Variants in OTUD4 observed in about 807,000 individuals in gnomAD.
The protein encoded by OTUD4 is OTU domain-containing protein 4.
OTUD4 carries 24 observed loss-of-function variants against 130.4 expected under a neutral mutation model. That is an observed-to-expected ratio of 0.18 (90% CI 0.13 to 0.26). The LOEUF (loss-of-function observed/expected upper bound fraction) is 0.26, where lower values mean the gene tolerates loss of function less well. OTUD4 is among the 10% of genes least tolerant of loss of function. The pLI is 1.00. For synonymous variants in OTUD4, 420 were observed against 472.5 expected, an observed-to-expected ratio of 0.89 and a Z score of 1.44; for missense variants, 1,031 against 1,329.4, an observed-to-expected ratio of 0.78 and a Z score of 3.49.
At chr4:145,163,647 C>T (rs928639573) in intron 5 of OTUD4, among the ~76,000 whole-genome samples, 3 of 148,890 alleles carry the variant, frequency 2.0e-5, no homozygotes, top group Admixed American at 1.3e-4. Context: ...AATACAGTAA[C>T]TTGTGGGAGC....
In OTUD4 at chr4:145,143,974, T is replaced by C; in HGVS notation, c.1574A>G (p.Asp525Gly). 2 of 1,613,074 alleles carry C rather than the reference T, an allele frequency of 1.2e-6. No individual in the cohort carries two copies. Among genetic ancestry groups the C allele is most frequent in the Non-Finnish European group, 8.5e-7 (1 of 1,179,164 alleles). Reference sequence around the variant, plus strand: ...CAATGTGCTTGGTTCGGGTCTTTTATCCAACTGACTATGTCCATGAATAGA... The same window carrying C: ...CAATGTGCTTGGTTCGGGTCTTTTACCCAACTGACTATGTCCATGAATAGA... ...KDSIHGHSQL[D>G]KRPEPSTLEN... is the part of the protein sequence containing the mutation. Residue 525 changes from aspartate to glycine, a missense_variant, in exon 16 of 21, where the codon GAT becomes GGT. Asp to Gly is a moderately conservative substitution (Grantham distance 94). This residue lies in a region of OTUD4 where 900 missense variants were observed against 1,095.9 expected (regional missense o/e 0.82). Coordinates refer to ENST00000447906, the MANE Select transcript of OTUD4 (RefSeq NM_001366057.1).
chr4:145,174,230 C>T lies in OTUD4; in HGVS notation c.243+431G>A, dbSNP rs114135792. On this transcript the variant is annotated intron_variant, in intron 2 of 20. Coordinates refer to ENST00000447906, the MANE Select transcript of OTUD4 (RefSeq NM_001366057.1). ...AGCTGGTCTTGAACTCTTCACCTCC[C>T]AAAGTACTGGGATTACAGGTGTGAG... 2.5e-3 allele frequency among the ~76,000 whole-genome samples: 379 copies of T among 152,248 alleles called. 1 individual carries two copies. The highest frequency in any genetic ancestry group is 8.5e-3 in the African/African-American group (351 of 41,538).
intron 11 of OTUD4, 79 bp from the exon 12 acceptor site, chr4:145,150,984 C>T (rs1751040310): frequency 1.3e-6 from 1 of 788,914 alleles, no homozygotes; most frequent in Non-Finnish European, 1.9e-6. Flanking sequence ...TTATTTTCAG[C>T]TTATATAAGA....
At chr4:145,173,913 A>C (rs1158321334) in intron 2 of OTUD4, among the ~76,000 whole-genome samples, 2 of 152,192 alleles carry the variant, frequency 1.3e-5, no homozygotes, top group African/African-American at 4.8e-5. Flanking sequence ...TTCACACTGA[A>C]CCCTGAAAAT....
intron 13 of OTUD4, among the ~76,000 whole-genome samples, chr4:145,148,840 T>C (rs993041634): frequency 6.6e-6 from 1 of 152,236 alleles, no homozygotes; most frequent in Non-Finnish European, 1.5e-5. Flanking sequence ...AGTAAGTTAA[T>C]ATCTTAGATA....
intron 1 of OTUD4, among the ~76,000 whole-genome samples, chr4:145,177,297 A>T (rs1561003575): frequency 6.6e-6 from 1 of 152,264 alleles, no homozygotes; most frequent in African/African-American, 2.4e-5. Flanking sequence ...TGGTAGGCAT[A>T]TCTACTGGTT....
chr4:145,145,550 C>G (rs1023692166), intron 14 of OTUD4, among the ~76,000 whole-genome samples: 10 of 152,104 alleles, frequency 6.6e-5, no homozygotes, highest in Admixed American at 3.3e-4. Context: ...TTAATCTACT[C>G]TAAAGAGAGA....
rs756675935 is a variant in OTUD4, at chr4:145,179,941, C to G, written c.33G>C (p.Gly11=). 23 of 1,522,722 alleles carry G rather than the reference C, an allele frequency of 1.5e-5. No individual in the cohort carries two copies. 94.3% of individuals were successfully genotyped at this position (1,522,722 alleles called of 1,614,324 possible). A position where few individuals can be genotyped will look rare whatever the true frequency, so the allele number is the denominator to read the frequency against. Residue 11 remains glycine (G), a synonymous_variant, in exon 1 of 21, where the codon GGG becomes GGC. Coordinates refer to ENST00000447906, the MANE Select transcript of OTUD4 (RefSeq NM_001366057.1). ...CGCGGGGCCCCGCGCCGCCCTGGTC[C>G]CCGCCGTCGGGGACGCCGACGGCAG... MEAAVGVPDG[G]DQGGAGPRED...
chr4:145,147,181 T>TA lies in OTUD4; in HGVS notation c.1260-753dup, dbSNP rs1465724959. Among the ~76,000 whole-genome samples the TA allele has an allele frequency of 7.2e-5, 11 of 151,868 alleles. No individual in the cohort carries two copies. In the East Asian group the frequency reaches 1.3e-3, roughly 19 times the overall value. On this transcript the variant is annotated intron_variant, in intron 13 of 20. Transcript: ENST00000447906. ...TGGAACATGAAAATCTAAAAACCTC[T>TA]AAAAAAAATACTTTGTCACAGTACA... is the stretch of plus-strand genomic sequence containing the variant.
At chr4:145,165,129 C>G in intron 4 of OTUD4, 22 bp downstream of exon 4, 1 of 1,416,932 alleles carries the variant, frequency 7.1e-7, no homozygotes, top group Non-Finnish European at 9.8e-7. Context: ...TTTTCTTTTA[C>G]TTATGTTATT....
At chr4:145,169,204 T>C (rs998460181) in intron 3 of OTUD4, among the ~76,000 whole-genome samples, 1 of 152,230 alleles carries the variant, frequency 6.6e-6, no homozygotes, top group African/African-American at 2.4e-5. Context: ...TTTATGATGT[T>C]TGCTGTGGTG....
intron 6 of OTUD4, among the ~76,000 whole-genome samples, chr4:145,160,294 CA>C (rs1751494090): frequency 6.6e-6 from 1 of 152,096 alleles, no homozygotes; most frequent in Non-Finnish European, 1.5e-5. Flanking sequence ...TTTAATTTTA[CA>C]TAAGGAACTA....
At position 145,138,408 on chromosome 4, in the gene OTUD4, T is replaced by C; in HGVS notation, c.2367A>G (p.Thr789=). Residue 789 remains threonine (T), a synonymous_variant, in exon 21 of 21, where the codon ACA becomes ACG. Coordinates refer to ENST00000447906, the MANE Select transcript of OTUD4 (RefSeq NM_001366057.1). ...QMPQPEIGPP[T]FSSPLVIPPS... ...GAGGGATAACCAGAGGTGAAGAAAATGTCGGCGGTCCAATCTCTGGCTGTG... is the reference window on the plus strand; with the variant it reads ...GAGGGATAACCAGAGGTGAAGAAAACGTCGGCGGTCCAATCTCTGGCTGTG... 1 of 1,614,166 alleles carries C rather than the reference T, an allele frequency of 6.2e-7. No homozygotes were observed. The highest frequency in any genetic ancestry group is 8.5e-7 in the Non-Finnish European group (1 of 1,180,024).
At chr4:145,160,925 G>C (rs1358698758) in intron 6 of OTUD4, among the ~76,000 whole-genome samples, 1 of 152,062 alleles carries the variant, frequency 6.6e-6, no homozygotes, top group Non-Finnish European at 1.5e-5. Context: ...GCCTGGTCAA[G>C]ATGGTGAAAC....
Position 145,137,724 on chromosome 4 carries a change from T to C in OTUD4, c.3051A>G (p.Gln1017=), listed in dbSNP as rs1186425561. 1.2e-6 allele frequency: 2 copies of C among 1,614,096 alleles called. No individual in the cohort carries two copies. The highest frequency in any genetic ancestry group is 1.7e-6 in the Non-Finnish European group (2 of 1,180,010). ...PGANSVDSRV[Q]RPKEESSEDE... ...CTTCTGAACTCTCTTCTTTTGGTCT[T>C]TGCACTCTGCTATCAACAGAGTTGG... Residue 1017 remains glutamine, a synonymous_variant, in exon 21 of 21, where the codon CAA becomes CAG. Coordinates refer to ENST00000447906, the MANE Select transcript of OTUD4 (RefSeq NM_001366057.1).
intron 17 of OTUD4, among the ~76,000 whole-genome samples, chr4:145,142,558 T>C (rs921530000): frequency 5.3e-5 from 8 of 152,242 alleles, no homozygotes; most frequent in Non-Finnish European, 1.2e-4. Context: ...ACAAGGACTG[T>C]ATTTTTTAAT....
chr4:145,179,026 C>T (rs1752561239), intron 1 of OTUD4, among the ~76,000 whole-genome samples: 1 of 151,930 alleles, frequency 6.6e-6, no homozygotes, highest in South Asian at 2.1e-4. Context: ...TGACTGCACA[C>T]CTACAACACA....
At chr4:145,160,400 A>G (rs1161365161) in intron 6 of OTUD4, among the ~76,000 whole-genome samples, 1 of 152,266 alleles carries the variant, frequency 6.6e-6, no homozygotes, top group East Asian at 1.9e-4. Flanking sequence ...TAAAATTTTA[A>G]AACTCCAGTC....
intron 13 of OTUD4, among the ~76,000 whole-genome samples, chr4:145,150,247 T>C (rs1197893962): frequency 6.6e-6 from 1 of 152,178 alleles, no homozygotes; most frequent in African/African-American, 2.4e-5. Context: ...AGTGCCAGAA[T>C]AGAATTGGGC....
Sources: gnomAD v4.1 joint callset for allele counts (sites outside exome capture counted in the v4.1 genomes callset) on GRCh38, gnomAD v4.1.1 for gene constraint, gnomAD v4.1.1 regional missense constraint, MANE v1.5 for transcripts, NCBI Gene and HGNC (gene_info 2026-07-23, HGNC 2026-07-21) for gene names.